KLHL1: variants seen among roughly 807,000 people sequenced by gnomAD.
The protein encoded by KLHL1 is kelch like family member 1.
Under a neutral mutation model 77.7 loss-of-function variants are expected in KLHL1, and 47 were observed. The ratio of observed to expected loss-of-function variants is 0.60; its 90% confidence interval spans 0.48 to 0.77. The LOEUF (loss-of-function observed/expected upper bound fraction) is 0.77, where lower values mean the gene tolerates loss of function less well. KLHL1 is among the 30% of genes least tolerant of loss of function. The pLI, the probability that KLHL1 is intolerant of heterozygous loss-of-function variation, is 0.00. For synonymous variants in KLHL1, 360 were observed against 325.2 expected, an observed-to-expected ratio of 1.11 and a Z score of -1.15; for missense variants, 925 against 910.8, an observed-to-expected ratio of 1.02 and a Z score of -0.20.
intron 3 of KLHL1, among the ~76,000 whole-genome samples, chr13:69,953,082 G>T (rs1883761854): frequency 6.6e-6 from 1 of 151,282 alleles, no homozygotes; most frequent in African/African-American, 2.4e-5. Flanking sequence ...TGCATGGAAA[G>T]TTCTTGAAAA....
chr13:70,083,734 CAATA>C (rs573738885), intron 1 of KLHL1, among the ~76,000 whole-genome samples: 41 of 152,016 alleles, frequency 2.7e-4, no homozygotes, highest in Non-Finnish European at 4.9e-4. Flanking sequence ...TTAATATTTA[CAATA>C]AATATGTTTA....
chr13:69,946,128 CA>C (rs552133203), intron 3 of KLHL1, among the ~76,000 whole-genome samples: 16 of 151,880 alleles, frequency 1.1e-4, no homozygotes, highest in Non-Finnish European at 2.2e-4. Context: ...TTGAAAATCC[CA>C]AAAAATCTGG....
At chr13:69,790,554 A>G (rs1227382140) in intron 7 of KLHL1, among the ~76,000 whole-genome samples, 1 of 151,930 alleles carries the variant, frequency 6.6e-6, no homozygotes, top group Non-Finnish European at 1.5e-5. Context: ...AAATACTAAC[A>G]AACAAATAAA....
chr13:69,797,662 C>CA (rs377653781), intron 6 of KLHL1, among the ~76,000 whole-genome samples: 5,898 of 119,816 alleles, frequency 0.049, 355 homozygotes, highest in African/African-American at 0.15. Flanking sequence ...ACTAAAAATA[C>CA]AAAAAAAAAA....
intron 10 of KLHL1, among the ~76,000 whole-genome samples, chr13:69,702,318 T>C (rs183998593): frequency 6.6e-6 from 1 of 151,832 alleles, no homozygotes; most frequent in East Asian, 1.9e-4. Context: ...ATCACTGAAA[T>C]GAGAACTGAG....
At chr13:70,061,644 G>A (rs1886890680) in intron 1 of KLHL1, among the ~76,000 whole-genome samples, 1 of 152,068 alleles carries the variant, frequency 6.6e-6, no homozygotes, top group Non-Finnish European at 1.5e-5. Context: ...CCCACCCTGT[G>A]AATTGGCAAA....
At chr13:69,713,676 G>A (rs1875981423) in intron 9 of KLHL1, among the ~76,000 whole-genome samples, 2 of 151,520 alleles carry the variant, frequency 1.3e-5, no homozygotes, top group African/African-American at 4.9e-5. Flanking sequence ...AAAGTTTTAG[G>A]GTAGATCCTA....
chr13:69,781,626 C>T (rs889189981), intron 7 of KLHL1, among the ~76,000 whole-genome samples: 9 of 152,088 alleles, frequency 5.9e-5, no homozygotes, highest in Non-Finnish European at 1.2e-4. Flanking sequence ...TTTCTTTTCC[C>T]TCAGTATGGG....
chr13:69,815,308 G>C (rs1331487918), intron 6 of KLHL1, among the ~76,000 whole-genome samples: 1 of 152,176 alleles, frequency 6.6e-6, no homozygotes, highest in East Asian at 1.9e-4. Flanking sequence ...CAACCCAGTT[G>C]CCGACCAATG....
At chr13:69,780,717 T>TATATATATATAC (rs1566243810) in intron 7 of KLHL1, among the ~76,000 whole-genome samples, 14 of 35,492 alleles carry the variant, frequency 3.9e-4, no homozygotes, top group African/African-American at 6.3e-4. Flanking sequence ...TATATATATG[T>TATATATATATAC]ATATATATAT....
chr13:69,797,812 G>T (rs1405324931), intron 6 of KLHL1, among the ~76,000 whole-genome samples: 1 of 143,680 alleles, frequency 7.0e-6, no homozygotes, highest in South Asian at 2.2e-4. Flanking sequence ...CTGGGTGACA[G>T]AGCGAGACTC....
intron 1 of KLHL1, among the ~76,000 whole-genome samples, chr13:70,032,002 T>A (rs1886113778): frequency 6.6e-6 from 1 of 152,122 alleles, no homozygotes. Context: ...TGGGGGTGAA[T>A]CCTGATTATG....
intron 1 of KLHL1, among the ~76,000 whole-genome samples, chr13:69,998,528 T>C (rs1195702664): frequency 6.6e-6 from 1 of 152,076 alleles, no homozygotes; most frequent in Non-Finnish European, 1.5e-5. Flanking sequence ...AAATTGTATA[T>C]CTGAGAAAGA....
intron 3 of KLHL1, among the ~76,000 whole-genome samples, chr13:69,961,034 T>G (rs1487346718): frequency 6.6e-6 from 1 of 152,030 alleles, no homozygotes; most frequent in Non-Finnish European, 1.5e-5. Flanking sequence ...TATTCAATAA[T>G]TTGTATCCAC....
chr13:69,987,366 G>A (rs1036906640), intron 1 of KLHL1, among the ~76,000 whole-genome samples: 3 of 151,994 alleles, frequency 2.0e-5, no homozygotes, highest in East Asian at 1.9e-4. Flanking sequence ...TTTGGAGAGA[G>A]AAACTCATAG....
intron 1 of KLHL1, among the ~76,000 whole-genome samples, chr13:70,028,899 C>T (rs1369007997): frequency 6.6e-6 from 1 of 151,712 alleles, no homozygotes; most frequent in East Asian, 2.0e-4. Context: ...ATCGCTTGAA[C>T]CTGGGAAGTA....
At position 70,016,672 on chromosome 13, in the gene KLHL1, G is replaced by A. The variant is rs74464879; in HGVS notation, c.498-40870C>T. ...AGCACAGGCCTGCAGGTGCCCCTCC[G>A]CACAAACAGCTTGGGCACCATGGAT... is the stretch of plus-strand genomic sequence containing the variant. On this transcript the variant is annotated intron_variant, in intron 1 of 10. Transcript: ENST00000377844. Among the ~76,000 whole-genome samples, 25 of 152,264 alleles carry A rather than the reference G, an allele frequency of 1.6e-4. No individual in the cohort carries two copies. The East Asian group carries it at 3.1e-3, about 19-fold the overall frequency.
rs192389476 is a variant in KLHL1, at chr13:70,077,437, T to A, written c.497+29766A>T. ...ACTACAGAGATTAAAAAAAAATTAG[T>A]CGTTGAAGAGTTTGGTGGGAATAAT... On this transcript the variant is annotated intron_variant, in intron 1 of 10. Transcript: ENST00000377844. 1.5e-3 allele frequency among the ~76,000 whole-genome samples: 221 copies of A among 151,896 alleles called. 2 individuals are homozygous for A. The highest frequency in any genetic ancestry group is 2.5e-3 in the East Asian group (13 of 5,184).
chr13:69,770,091 T>C (rs1875492087), intron 7 of KLHL1, among the ~76,000 whole-genome samples: 1 of 152,140 alleles, frequency 6.6e-6, no homozygotes, highest in African/African-American at 2.4e-5. Flanking sequence ...GCTTAGAACT[T>C]GGGACTCCTC....
Sources: gnomAD v4.1 joint callset for allele counts (sites outside exome capture counted in the v4.1 genomes callset) on GRCh38, gnomAD v4.1.1 for gene constraint, MANE v1.5 for transcripts, NCBI Gene and HGNC (gene_info 2026-07-23, HGNC 2026-07-21) for gene names.